Variants in FGF12 observed in about 807,000 individuals in gnomAD.
FGF12 encodes fibroblast growth factor 12, also known as fibroblast growth factor 12B.
A neutral mutation model predicts 23.6 loss-of-function variants in FGF12; 14 were observed. The observed-to-expected ratio is 0.59, with a 90% confidence interval of 0.39 to 0.93. The LOEUF is 0.93. Among genes scored for constraint, FGF12 ranks in the 40% least tolerant of loss-of-function variants. The pLI is 0.00. For synonymous variants in FGF12, 62 were observed against 77.3 expected (o/e 0.80, Z 1.04); for missense variants, 175 against 217.8 (o/e 0.80, Z 1.24).
chr3:192,291,856 G>A (rs773797093), intron 4 of FGF12, among the ~76,000 whole-genome samples: 5 of 152,116 alleles, frequency 3.3e-5, no homozygotes, highest in Admixed American at 6.6e-5. Context: ...AAAAGATTGT[G>A]AATCTTAACT....
chr3:192,194,754 A>G (rs1716975078), intron 4 of FGF12, among the ~76,000 whole-genome samples: 1 of 152,214 alleles, frequency 6.6e-6, no homozygotes, highest in Non-Finnish European at 1.5e-5. Flanking sequence ...ACTCTACCTA[A>G]CTATAATAAG....
At chr3:192,401,189 A>T (rs1164260864) in intron 2 of FGF12, among the ~76,000 whole-genome samples, 3 of 152,240 alleles carry the variant, frequency 2.0e-5, no homozygotes, top group Non-Finnish European at 4.4e-5. Context: ...TGGTTTGTAA[A>T]TCTTTTTAAT....
intron 2 of FGF12, among the ~76,000 whole-genome samples, chr3:192,562,251 T>C (rs891899963): frequency 2.0e-5 from 3 of 152,200 alleles, no homozygotes; most frequent in Admixed American, 2.0e-4. Context: ...GGGAAGAGAC[T>C]GACTGGAAGG....
At chr3:192,687,262 G>C (rs1359159570) in intron 2 of FGF12, among the ~76,000 whole-genome samples, 1 of 151,842 alleles carries the variant, frequency 6.6e-6, no homozygotes, top group East Asian at 1.9e-4. Context: ...GGTGGAGACA[G>C]TCAGTAGCAT....
chr3:192,358,405 A>T (rs1412382120), intron 3 of FGF12, among the ~76,000 whole-genome samples: 1 of 152,064 alleles, frequency 6.6e-6, no homozygotes. Flanking sequence ...TCTTAATAAA[A>T]TATTAGTTTA....
chr3:192,689,261 G>T (rs1717866504), intron 2 of FGF12, among the ~76,000 whole-genome samples: 1 of 152,078 alleles, frequency 6.6e-6, no homozygotes, highest in Admixed American at 6.5e-5. Flanking sequence ...ACATAGAAAT[G>T]ATAAATACTT....
intron 4 of FGF12, among the ~76,000 whole-genome samples, chr3:192,176,069 G>A (rs561251421): frequency 1.6e-4 from 24 of 152,228 alleles, no homozygotes; most frequent in Admixed American, 1.4e-3. Context: ...ACACCATCAA[G>A]GATAAATAGA....
intron 2 of FGF12, among the ~76,000 whole-genome samples, chr3:192,682,221 G>A (rs1174611716): frequency 6.6e-6 from 1 of 152,152 alleles, no homozygotes; most frequent in Non-Finnish European, 1.5e-5. Flanking sequence ...GTACAAGCAA[G>A]GTAAACAGCA....
intron 2 of FGF12, among the ~76,000 whole-genome samples, chr3:192,721,669 G>T (rs1411138189): frequency 1.3e-5 from 2 of 152,118 alleles, no homozygotes; most frequent in African/African-American, 4.8e-5. Flanking sequence ...ATGGCAAGTA[G>T]GTTGGCCTCC....
At chr3:192,298,698 C>T (rs1295981705) in intron 4 of FGF12, among the ~76,000 whole-genome samples, 3 of 152,044 alleles carry the variant, frequency 2.0e-5, no homozygotes, top group African/African-American at 7.2e-5. Context: ...AGTGAGCTAT[C>T]GTGCCACTGC....
intron 2 of FGF12, among the ~76,000 whole-genome samples, chr3:192,596,466 C>G (rs1418880794): frequency 6.6e-6 from 1 of 152,030 alleles, no homozygotes; most frequent in Non-Finnish European, 1.5e-5. Flanking sequence ...TTATCTCATT[C>G]AACATATACA....
At chr3:192,183,072 G>C (rs141858590) in intron 4 of FGF12, among the ~76,000 whole-genome samples, 1 of 152,262 alleles carries the variant, frequency 6.6e-6, no homozygotes, top group African/African-American at 2.4e-5. Context: ...AGACTATAAT[G>C]GTCAATGAAG....
chr3:192,539,256 T>C (rs1223984868), intron 2 of FGF12, among the ~76,000 whole-genome samples: 1 of 152,236 alleles, frequency 6.6e-6, no homozygotes, highest in South Asian at 2.1e-4. Flanking sequence ...CCCCATTCAC[T>C]ATGATACTAG....
At chr3:192,550,994 T>C (rs1011935299) in intron 2 of FGF12, among the ~76,000 whole-genome samples, 1 of 152,134 alleles carries the variant, frequency 6.6e-6, no homozygotes, top group African/African-American at 2.4e-5. Flanking sequence ...AGATTGTGTA[T>C]GCAATATTAA....
chr3:192,299,353 G>T (rs1011451026), intron 4 of FGF12, among the ~76,000 whole-genome samples: 7 of 152,110 alleles, frequency 4.6e-5, no homozygotes, highest in Non-Finnish European at 7.4e-5. Flanking sequence ...GGATGAGATT[G>T]GCCTGTGATT....
In FGF12 at chr3:192,719,786, CAAAAAAAA is replaced by C. The variant is rs553013127; in HGVS notation, c.13+7387_13+7394del. On this transcript the variant is annotated intron_variant, in intron 2 of 5. Coordinates refer to ENST00000445105, the MANE Select transcript of FGF12 (RefSeq NM_004113.6). ...TATAATATGTGAAAGAGACTAAGGG[CAAAAAAAA>C]AAAAAAAAAAGAAAAACAAGAAAAA... Among the ~76,000 whole-genome samples the C allele has an allele frequency of 5.6e-4, 57 of 102,334 alleles. 1 individual carries two copies. Among genetic ancestry groups the C allele is most frequent in the Non-Finnish European group, 1.2e-4 (6 of 50,982 alleles). The allele number at this position is 102,334 out of a possible 152,430, so 67.1% of individuals were successfully genotyped here.
At chr3:192,218,703 A>G (rs1718323801) in intron 4 of FGF12, among the ~76,000 whole-genome samples, 1 of 152,252 alleles carries the variant, frequency 6.6e-6, no homozygotes, top group Non-Finnish European at 1.5e-5. Flanking sequence ...CAGTGCAAGA[A>G]TGGACTAATC....
At chr3:192,210,061 AT>A (rs1450250690) in intron 4 of FGF12, among the ~76,000 whole-genome samples, 1 of 152,220 alleles carries the variant, frequency 6.6e-6, no homozygotes, top group African/African-American at 2.4e-5. Flanking sequence ...ACAACCAAAA[AT>A]TATACCATAT....
intron 2 of FGF12, among the ~76,000 whole-genome samples, chr3:192,474,939 A>G (rs1438608105): frequency 6.6e-6 from 1 of 151,940 alleles, no homozygotes; most frequent in Non-Finnish European, 1.5e-5. Context: ...AAGCCCACAA[A>G]GAGAGTAGGA....
Sources: gnomAD v4.1 joint callset for allele counts (sites outside exome capture counted in the v4.1 genomes callset) on GRCh38, gnomAD v4.1.1 for gene constraint, MANE v1.5 for transcripts, NCBI Gene and HGNC (gene_info 2026-07-23, HGNC 2026-07-21) for gene names.